PRKACB: variants seen among roughly 807,000 people sequenced by gnomAD.
PRKACB encodes protein kinase cAMP-activated catalytic subunit beta.
Under a neutral mutation model 51.4 loss-of-function variants are expected in PRKACB, and 16 were observed. The observed-to-expected ratio is 0.31, with a 90% confidence interval of 0.21 to 0.47. The LOEUF is 0.47. Among genes scored for constraint, PRKACB ranks in the 20% least tolerant of loss-of-function variants. The pLI is 1.00. For synonymous variants in PRKACB, 147 were observed against 154.4 expected (o/e 0.95, Z 0.35); for missense variants, 309 against 464.5 (o/e 0.67, Z 3.08).
At chr1:84,168,169 A>C (rs778940167) in intron 1 of PRKACB, among the ~76,000 whole-genome samples, 2 of 151,640 alleles carry the variant, frequency 1.3e-5, no homozygotes, top group Non-Finnish European at 3.0e-5. Context: ...CAAAGGCAAA[A>C]GTAGAGTTGA....
At chr1:84,207,015 A>G (rs546613892) in intron 8 of PRKACB, among the ~76,000 whole-genome samples, 1 of 152,270 alleles carries the variant, frequency 6.6e-6, no homozygotes. Context: ...GTCATTTACT[A>G]TTTTGCTATG....
intron 1 of PRKACB, chr1:84,175,128 T>G: frequency 1.6e-6 from 2 of 1,285,380 alleles, no homozygotes; most frequent in Non-Finnish European, 2.0e-6. Context: ...AAGTTTTTAT[T>G]TTCCTTATAA....
In PRKACB at chr1:84,231,869, C is replaced by T. The variant is rs1480303666; in HGVS notation, c.1072-3311C>T. 2.6e-5 allele frequency among the ~76,000 whole-genome samples: 4 copies of T among 151,894 alleles called. No homozygotes were observed. The South Asian group carries it at 8.3e-4, about 32-fold the overall frequency. Reference sequence around the variant, plus strand: ...AATTTTGTTGATCCTTTCAAAAAACCAGCTCCTGGATTCATTAATTTTTTG... The same window carrying T: ...AATTTTGTTGATCCTTTCAAAAAACTAGCTCCTGGATTCATTAATTTTTTG... On this transcript the variant is annotated intron_variant, in intron 9 of 9. Coordinates refer to ENST00000370685, the MANE Select transcript of PRKACB (RefSeq NM_182948.4).
intron 8 of PRKACB, among the ~76,000 whole-genome samples, chr1:84,206,187 A>G (rs1671316513): frequency 6.6e-6 from 1 of 152,220 alleles, no homozygotes; most frequent in Non-Finnish European, 1.5e-5. Context: ...AACATATCTA[A>G]TGTAAATATT....
intron 1 of PRKACB, among the ~76,000 whole-genome samples, chr1:84,093,462 TC>T (rs780756300): frequency 4.4e-4 from 67 of 152,124 alleles, no homozygotes; most frequent in Non-Finnish European, 7.4e-5. Flanking sequence ...TCTTTTCTGT[TC>T]CATTGGTTTT....
intron 9 of PRKACB, among the ~76,000 whole-genome samples, chr1:84,230,280 C>T (rs1675400747): frequency 6.6e-6 from 1 of 151,836 alleles, no homozygotes; most frequent in South Asian, 2.1e-4. Flanking sequence ...CTGTTCTGTT[C>T]CATTGATCTA....
At chr1:84,158,016 A>AGAG (rs1240702036) in intron 1 of PRKACB, among the ~76,000 whole-genome samples, 1 of 152,014 alleles carries the variant, frequency 6.6e-6, no homozygotes, top group Non-Finnish European at 1.5e-5. Context: ...CAGTAAGGTA[A>AGAG]GAGGGTTCCA....
At chr1:84,141,904 C>T (rs577164950), upstream of PRKACB, among the ~76,000 whole-genome samples, 80 of 152,056 alleles carry the variant, frequency 5.3e-4, 1 homozygote, top group African/African-American at 1.9e-3. Context: ...TCCACATTGG[C>T]ACTGAGTAAA....
At chr1:84,217,492 T>A (rs918914752) in intron 9 of PRKACB, among the ~76,000 whole-genome samples, 1 of 152,094 alleles carries the variant, frequency 6.6e-6, no homozygotes, top group Non-Finnish European at 1.5e-5. Flanking sequence ...TACTGCCATA[T>A]TATACAATTG....
chr1:84,195,874 C>CT (rs1480408581), intron 5 of PRKACB, among the ~76,000 whole-genome samples: 2 of 149,304 alleles, frequency 1.3e-5, no homozygotes, highest in African/African-American at 2.5e-5. Flanking sequence ...GATTGTGCCA[C>CT]TGCACTCCAG....
chr1:84,171,191 T>G (rs1430646951), intron 1 of PRKACB, among the ~76,000 whole-genome samples: 1 of 151,544 alleles, frequency 6.6e-6, no homozygotes, highest in Non-Finnish European at 1.5e-5. Context: ...GGATATAGAG[T>G]TAAATTTTAA....
intron 1 of PRKACB, 41 bp downstream of exon 1, chr1:84,144,589 T>C (rs1653780745): frequency 6.6e-7 from 1 of 1,506,934 alleles, no homozygotes; most frequent in African/African-American, 1.5e-5. Context: ...AACTAGCAAC[T>C]AAAATGGTAA....
intron 1 of PRKACB, among the ~76,000 whole-genome samples, chr1:84,109,919 A>G (rs1234667548): frequency 6.6e-6 from 1 of 151,872 alleles, no homozygotes; most frequent in Non-Finnish European, 1.5e-5. Context: ...TTGTCTTTCA[A>G]TTTTATAAAA....
intron 1 of PRKACB, among the ~76,000 whole-genome samples, chr1:84,169,481 A>G (rs1385072839): frequency 1.3e-5 from 2 of 151,758 alleles, no homozygotes; most frequent in Middle Eastern, 3.2e-3. Flanking sequence ...AACCAGAATA[A>G]TCATTGCAGA....
chr1:84,158,067 T>C (rs1345877099), intron 1 of PRKACB, among the ~76,000 whole-genome samples: 1 of 130,310 alleles, frequency 7.7e-6, no homozygotes, highest in Non-Finnish European at 1.8e-5. Flanking sequence ...TCATCAGTCT[T>C]TCTTTCTTTT....
chr1:84,102,273 G>A (rs1445497960), intron 1 of PRKACB, among the ~76,000 whole-genome samples: 3 of 152,002 alleles, frequency 2.0e-5, no homozygotes, highest in South Asian at 2.1e-4. Context: ...TGTAGTCCCA[G>A]CTGCTTGGGA....
At chr1:84,128,791 G>A (rs778737339) in intron 1 of PRKACB, among the ~76,000 whole-genome samples, 11 of 152,128 alleles carry the variant, frequency 7.2e-5, no homozygotes, top group African/African-American at 1.2e-4. Context: ...TCAGCATTAT[G>A]TGTGTTCCTA....
At chr1:84,110,440 A>C (rs1290426019) in intron 1 of PRKACB, among the ~76,000 whole-genome samples, 4 of 151,812 alleles carry the variant, frequency 2.6e-5, no homozygotes, top group Admixed American at 1.3e-4. Context: ...CTGGAAAGAA[A>C]ATGTAAACTT....
chr1:84,078,215 A>C, exon 1 of PRKACB: 1 of 1,248,846 alleles, frequency 8.0e-7, no homozygotes, highest in South Asian at 1.5e-5. Flanking sequence ...CGCTAGGCGC[A>C]CTCACCGCTC....
Sources: gnomAD v4.1 joint callset for allele counts (sites outside exome capture counted in the v4.1 genomes callset) on GRCh38, gnomAD v4.1.1 for gene constraint, MANE v1.5 for transcripts, NCBI Gene and HGNC (gene_info 2026-07-23, HGNC 2026-07-21) for gene names.